RALGAPA1: variants seen among roughly 807,000 people sequenced by gnomAD.
The protein encoded by RALGAPA1 is ral GTPase-activating protein subunit alpha-1.
In RALGAPA1, 52 loss-of-function variants were observed where a neutral mutation model predicts 269.6. The observed-to-expected ratio is 0.19, with a 90% CI of 0.15 to 0.24. The LOEUF (loss-of-function observed/expected upper bound fraction) is 0.24, where lower values mean the gene tolerates loss of function less well. Among genes scored for constraint, RALGAPA1 ranks in the 10% least tolerant of loss-of-function variants. The probability of loss-of-function intolerance (pLI) is 1.00; values close to 1 mark genes in which losing one functional copy is unlikely to be tolerated. For synonymous variants in RALGAPA1, 817 were observed against 1,008.3 expected, an observed-to-expected ratio of 0.81 and a Z score of 3.60; for missense variants, 1,917 against 3,013.9, an observed-to-expected ratio of 0.64 and a Z score of 8.52.
intron 4 of RALGAPA1, among the ~76,000 whole-genome samples, chr14:35,767,618 G>GCCT (rs1164536388): frequency 1.3e-5 from 2 of 152,108 alleles, no homozygotes; most frequent in African/African-American, 4.8e-5. Flanking sequence ...AACCCAGGAG[G>GCCT]CAGAGGTTGC....
chr14:35,803,710 C>CA (rs2077145114), intron 1 of RALGAPA1, among the ~76,000 whole-genome samples: 1 of 151,368 alleles, frequency 6.6e-6, no homozygotes, highest in Non-Finnish European at 1.5e-5. Context: ...TGGCTCACTG[C>CA]AAACCTCCAC....
chr14:35,614,663 C>T (rs1232605849), intron 35 of RALGAPA1, among the ~76,000 whole-genome samples: 1 of 151,962 alleles, frequency 6.6e-6, no homozygotes, highest in Non-Finnish European at 1.5e-5. Context: ...TGTGAATATA[C>T]TAAAAATATG....
chr14:35,564,475 C>CTCTGCT (rs1403787014), intron 39 of RALGAPA1: 13 of 152,262 alleles, frequency 8.5e-5, no homozygotes, highest in Non-Finnish European at 1.6e-4. Context: ...TACTTTGCAA[C>CTCTGCT]AGGTACTGGA....
At chr14:35,693,532 C>A (rs1331064812) in intron 17 of RALGAPA1, among the ~76,000 whole-genome samples, 5 of 151,726 alleles carry the variant, frequency 3.3e-5, no homozygotes, top group Non-Finnish European at 7.4e-5. Flanking sequence ...CTTACTCTCC[C>A]AGAGGAAGAG....
chr14:35,592,759 T>C (rs150660342), intron 37 of RALGAPA1, among the ~76,000 whole-genome samples: 42 of 152,330 alleles, frequency 2.8e-4, no homozygotes, highest in Middle Eastern at 3.4e-3. Context: ...AACTATGTGA[T>C]CATCTCAATT....
intron 1 of RALGAPA1, among the ~76,000 whole-genome samples, chr14:35,804,570 AAAATAAAT>A (rs71124718): frequency 0.052 from 7,544 of 145,696 alleles, 509 homozygotes; most frequent in African/African-American, 0.15. Flanking sequence ...CTCCATCTCA[AAAATAAAT>A]AAATAAATAA....
intron 40 of RALGAPA1, 49 bp downstream of exon 40, chr14:35,549,061 G>T: frequency 6.3e-7 from 1 of 1,596,376 alleles, no homozygotes; most frequent in Non-Finnish European, 8.5e-7. Context: ...AAAGGGTACT[G>T]CATTTCAAGT....
At chr14:35,671,357 T>G (rs990101303) in intron 26 of RALGAPA1, 32 bp downstream of exon 26, 15 of 1,540,404 alleles carry the variant, frequency 9.7e-6, no homozygotes, top group Non-Finnish European at 1.3e-5. Flanking sequence ...GGCTAAAGTT[T>G]GTTATATGAT....
chr14:35,654,792 T>C (rs1427622807), intron 29 of RALGAPA1, among the ~76,000 whole-genome samples: 1 of 152,198 alleles, frequency 6.6e-6, no homozygotes, highest in Non-Finnish European at 1.5e-5. Flanking sequence ...CAATCAACTA[T>C]TCACCACACT....
chr14:35,741,119 C>T (rs965235548), intron 11 of RALGAPA1, among the ~76,000 whole-genome samples: 16 of 152,046 alleles, frequency 1.1e-4, no homozygotes, highest in African/African-American at 3.1e-4. Context: ...TCCTTTCATT[C>T]CTTCCATTGT....
chr14:35,690,148 T>C lies in RALGAPA1; in HGVS notation c.2408-145A>G, dbSNP rs1484469460. ...TGAAAAAAAAATCAAAATACAAATC[T>C]GCTTTTTTAAAAAAATGATGGGCAC... On this transcript the variant is annotated intron_variant, in intron 17 of 41. Transcript: ENST00000680220. 6.7e-6 allele frequency: 4 copies of C among 601,194 alleles called. No homozygotes were observed. The East Asian group carries it at 1.0e-4, about 15-fold the overall frequency. 37.2% of individuals were successfully genotyped at this position (601,194 alleles called of 1,614,324 possible). A position where few individuals can be genotyped will look rare whatever the true frequency, so the allele number is the denominator to read the frequency against.
intron 23 of RALGAPA1, 52 bp downstream of exon 23, chr14:35,674,464 T>A: frequency 6.7e-7 from 1 of 1,490,300 alleles, no homozygotes. Context: ...CTTCTTCTAT[T>A]TTTAAATATT....
At chr14:35,626,392 C>T (rs2060992077) in intron 34 of RALGAPA1, among the ~76,000 whole-genome samples, 2 of 152,320 alleles carry the variant, frequency 1.3e-5, no homozygotes, top group South Asian at 4.1e-4. Flanking sequence ...CATTACCCCT[C>T]CTTCCACTAC....
At chr14:35,629,278 A>G (rs982491277) in intron 33 of RALGAPA1, among the ~76,000 whole-genome samples, 2 of 83,592 alleles carry the variant, frequency 2.4e-5, no homozygotes, top group Non-Finnish European at 5.5e-5. Flanking sequence ...TAGGATGTTT[A>G]GGGGGTGTGT....
At chr14:35,754,800 T>C (rs2073030987) in intron 7 of RALGAPA1, among the ~76,000 whole-genome samples, 1 of 152,092 alleles carries the variant, frequency 6.6e-6, no homozygotes, top group African/African-American at 2.4e-5. Flanking sequence ...CAAATAACCA[T>C]AAACAAATAA....
rs2064784670 is a variant in RALGAPA1, at chr14:35,674,593, C to T, written c.4741G>A (p.Val1581Ile). 2 of 1,608,632 alleles carry T rather than the reference C, an allele frequency of 1.2e-6. No homozygotes were observed. Among genetic ancestry groups the T allele is most frequent in the Non-Finnish European group, 1.7e-6 (2 of 1,176,234 alleles). The change falls in exon 23 of 42, where the codon GTA becomes ATA. Residue 1581 changes from valine (V) to isoleucine (I), a missense_variant. Physicochemically the swap from Val to Ile is conservative, Grantham distance 29. Coordinates refer to ENST00000680220, the MANE Select transcript of RALGAPA1 (RefSeq NM_001346249.2). ...WRRMLGILGDVNSIMDPEIHA... is the reference protein window; with the variant it reads ...WRRMLGILGDINSIMDPEIHA... ...ATTTCAGGATCCATGATTGAATTTA[C>T]ATCTCCCAAAATGCCTAGCATTCTT...
chr14:35,663,555 C>T (rs1224480480), intron 27 of RALGAPA1, among the ~76,000 whole-genome samples: 2 of 151,674 alleles, frequency 1.3e-5, no homozygotes, highest in African/African-American at 4.8e-5. Context: ...CTGTGACAAG[C>T]ACAACTTCTC....
At chr14:35,584,018 G>A (rs1254630705) in intron 37 of RALGAPA1, among the ~76,000 whole-genome samples, 6 of 152,116 alleles carry the variant, frequency 3.9e-5, no homozygotes, top group Admixed American at 3.3e-4. Flanking sequence ...CATGATGAAA[G>A]GAAGAGTATG....
chr14:35,647,905 G>A (rs370083216), intron 31 of RALGAPA1, among the ~76,000 whole-genome samples: 7 of 151,480 alleles, frequency 4.6e-5, no homozygotes, highest in South Asian at 2.1e-4. Context: ...CTGAGATCAC[G>A]CCACTGCACT....
Sources: allele counts gnomAD v4.1 joint callset (sites outside exome capture counted in the v4.1 genomes callset), GRCh38; gene constraint gnomAD v4.1.1; transcripts MANE v1.5; gene names NCBI Gene and HGNC (gene_info 2026-07-23, HGNC 2026-07-21).